SPATA31C1: variants seen among roughly 807,000 people sequenced by gnomAD.
SPATA31C1 encodes the protein spermatogenesis-associated protein 31C1.
intron 1 of SPATA31C1, among the ~76,000 whole-genome samples, chr9:87,916,797 A>AGG (rs1828734363): frequency 1.2e-5 from 1 of 83,356 alleles, no homozygotes; most frequent in Non-Finnish European, 4.0e-5. Context: ...GGAGAACAAG[A>AGG]CCATCCTGGC....
At chr9:87,922,207 C>T in exon 5 of SPATA31C1, 2 of 1,613,318 alleles carry the variant, frequency 1.2e-6, no homozygotes, top group Non-Finnish European at 1.7e-6. Context: ...AAGGCTCCTA[C>T]AGCTGGACAG....
At chr9:87,917,627 TCA>T (rs1828759377) in intron 1 of SPATA31C1, 1 of 20,860 alleles carries the variant, frequency 4.8e-5, no homozygotes, top group African/African-American at 1.4e-4. Flanking sequence ...AGCCAAAATT[TCA>T]GAGTCAACTA....
At chr9:87,920,308 C>G (rs750033682) in exon 5 of SPATA31C1, 11 of 1,613,828 alleles carry the variant, frequency 6.8e-6, no homozygotes, top group Non-Finnish European at 9.3e-6. Context: ...GGTCCAGACC[C>G]GCCAGGTGAG....
At chr9:87,920,129 T>C (rs1445008790) in intron 4 of SPATA31C1, 123 bp from the exon 4 acceptor site, 68 of 1,599,196 alleles carry the variant, frequency 4.3e-5, no homozygotes, top group Non-Finnish European at 5.5e-5. Context: ...GAGAATTGGG[T>C]GGTCAGGGTG....
chr9:87,922,268 C>G (rs768486102), exon 5 of SPATA31C1: 4 of 1,612,734 alleles, frequency 2.5e-6, no homozygotes, highest in Non-Finnish European at 2.5e-6. Flanking sequence ...AAGGCAGCAC[C>G]CAGCAGAGCA....
intron 1 of SPATA31C1, among the ~76,000 whole-genome samples, chr9:87,916,186 G>A (rs1375729815): frequency 5.8e-5 from 8 of 137,204 alleles, no homozygotes; most frequent in African/African-American, 2.1e-4. Flanking sequence ...GGGGATGGTA[G>A]ACAATAAGAA....
At chr9:87,921,683 G>T (rs564352262) in exon 5 of SPATA31C1, 1 of 1,612,004 alleles carries the variant, frequency 6.2e-7, no homozygotes, top group Non-Finnish European at 8.5e-7. Context: ...AGTTGGGCCA[G>T]ACCAACGAGG....
exon 5 of SPATA31C1, chr9:87,922,226 G>A (rs762302091): frequency 6.2e-7 from 1 of 1,613,336 alleles, no homozygotes; most frequent in South Asian, 1.1e-5. Context: ...AGGAGGGCAG[G>A]TGGCCATCTA....
At chr9:87,919,709 G>A in intron 3 of SPATA31C1, among the ~76,000 whole-genome samples, 1 of 108,212 alleles carries the variant, frequency 9.2e-6, no homozygotes, top group Admixed American at 1.0e-4. Flanking sequence ...CCGTGGGGGT[G>A]GAGGGTCTGT....
exon 5 of SPATA31C1, chr9:87,923,223 T>G: frequency 6.2e-7 from 1 of 1,603,238 alleles, no homozygotes; most frequent in Non-Finnish European, 8.5e-7. Context: ...CAGACACCCG[T>G]TCTACTCAGA....
chr9:87,921,664 T>C lies in SPATA31C1; in HGVS notation n.2054T>C, dbSNP rs755183024. 8 of 1,611,904 alleles carry C rather than the reference T, an allele frequency of 5.0e-6. 1 individual carries two copies. In the South Asian group the frequency reaches 8.8e-5, roughly 18 times the overall value. Reference sequence around the variant, plus strand: ...ATAGAAAACATCCTGAAAGCCCACATGGGCAGAAAGTTGGGCCAGACCAAC... The same window carrying C: ...ATAGAAAACATCCTGAAAGCCCACACGGGCAGAAAGTTGGGCCAGACCAAC... On this transcript the variant is annotated non_coding_transcript_exon_variant, in exon 5 of 5. Transcript: ENST00000420021.
chr9:87,919,064 C>T (rs1431367674), intron 2 of SPATA31C1, 191 bp from the exon 2 acceptor site: 3 of 928,564 alleles, frequency 3.2e-6, no homozygotes, highest in Admixed American at 2.2e-5. Context: ...GCCACCGCAC[C>T]CGACCCCCTC....
At chr9:87,919,329 G>A (rs1288206558) in exon 3 of SPATA31C1, 4 of 1,602,096 alleles carry the variant, frequency 2.5e-6, no homozygotes, top group South Asian at 2.2e-5. Flanking sequence ...GAGGCAGGAT[G>A]AAAAACCACA....
At chr9:87,916,157 G>C (rs1828711432) in intron 1 of SPATA31C1, among the ~76,000 whole-genome samples, 2 of 142,146 alleles carry the variant, frequency 1.4e-5, no homozygotes, top group African/African-American at 5.1e-5. Context: ...AGCCATGCCA[G>C]AGTGATCAGA....
intron 1 of SPATA31C1, among the ~76,000 whole-genome samples, chr9:87,917,071 AT>A (rs1306032505): frequency 7.5e-6 from 1 of 133,102 alleles, no homozygotes; most frequent in Non-Finnish European, 1.6e-5. Context: ...CATAAATAGA[AT>A]TTTAAAAAAA....
chr9:87,919,107 C>T (rs1200651387), intron 2 of SPATA31C1, 148 bp from the exon 2 acceptor site: 2 of 1,249,594 alleles, frequency 1.6e-6, no homozygotes, highest in East Asian at 2.9e-5. Flanking sequence ...AGTTTATCAT[C>T]CATTTAAACA....
chr9:87,919,623 G>C (rs983069261), intron 3 of SPATA31C1, among the ~76,000 whole-genome samples: 1 of 80,556 alleles, frequency 1.2e-5, no homozygotes, highest in African/African-American at 4.7e-5. Flanking sequence ...CCTGGGAACA[G>C]CTGTTCAACT....
exon 3 of SPATA31C1, chr9:87,919,304 G>C (rs369156095): frequency 1.4e-6 from 2 of 1,425,454 alleles, no homozygotes; most frequent in Non-Finnish European, 1.8e-6. Context: ...CCAACAGGGC[G>C]GAGGGGGAGG....
At chr9:87,920,407 C>T (rs762559564) in exon 5 of SPATA31C1, 23 of 1,613,878 alleles carry the variant, frequency 1.4e-5, no homozygotes, top group African/African-American at 9.3e-5. Flanking sequence ...TTAGCTTCCC[C>T]GGATCCTCGA....
Sources: allele counts gnomAD v4.1 joint callset (sites outside exome capture counted in the v4.1 genomes callset), GRCh38; gene constraint gnomAD v4.1.1; transcripts MANE v1.5; gene names NCBI Gene and HGNC (gene_info 2026-07-23, HGNC 2026-07-21).